ABHD14A: variants seen among roughly 807,000 people sequenced by gnomAD.
ABHD14A encodes abhydrolase domain containing 14A.
A neutral mutation model predicts 27.0 loss-of-function variants in ABHD14A; 19 were observed. The observed-to-expected ratio is 0.70, with a 90% CI of 0.49 to 1.03. The LOEUF is 1.03. Ranked by LOEUF, ABHD14A falls within the 50% of genes least tolerant of loss-of-function variation. ABHD14A has a pLI of 0.00. For synonymous variants in ABHD14A, 148 were observed against 158.8 expected, an observed-to-expected ratio of 0.93 and a Z score of 0.51; for missense variants, 311 against 344.6, an observed-to-expected ratio of 0.90 and a Z score of 0.77.
chr3:51,976,599 C>T (rs1160541476), intron 1 of ABHD14A, among the ~76,000 whole-genome samples: 2 of 152,166 alleles, frequency 1.3e-5, no homozygotes, highest in South Asian at 2.1e-4. Context: ...TGCTTGAACC[C>T]GGGAGGCGGA....
At chr3:51,976,310 TCC>T (rs1700787168) in intron 1 of ABHD14A, among the ~76,000 whole-genome samples, 1 of 152,072 alleles carries the variant, frequency 6.6e-6, no homozygotes, top group Non-Finnish European at 1.5e-5. Flanking sequence ...CCCCAAAACA[TCC>T]CGGAGGGATG....
In ABHD14A at chr3:51,977,851, C is replaced by T. The variant is rs991609363; in HGVS notation, c.70-20C>T. ...AGGGACTCAGTTCCAGCCTCTTTTC[C>T]CTCTCCTCTCCCTCTCCAGACTGTG... On this transcript the variant is annotated intron_variant, in intron 1 of 4. Transcript: ENST00000273596. 5 of 1,597,796 alleles carry T rather than the reference C, an allele frequency of 3.1e-6. No individual in the cohort carries two copies. The highest frequency in any genetic ancestry group is 2.2e-5 in the East Asian group (1 of 44,552).
At position 51,975,122 on chromosome 3, in the gene ABHD14A, C is replaced by A; in HGVS notation, c.-14C>A. On this transcript the variant is annotated 5_prime_UTR_variant, in exon 1 of 5. In the 5' UTR this introduces an upstream ATG that the reference lacks. Transcript: ENST00000273596. The stretch of plus-strand genomic sequence containing the variant: ...CCTAGAGCCGGAGCGGCCCGCGGAG[C>A]TGCGGAGGCAGCCATGGTCGGGGCG... The A allele has an allele frequency of 2.3e-6, 3 of 1,293,476 alleles. No individual in the cohort carries two copies. Among genetic ancestry groups the A allele is most frequent in the Non-Finnish European group, 2.9e-6 (3 of 1,020,692 alleles). 80.1% of individuals were successfully genotyped at this position (1,293,476 alleles called of 1,614,324 possible).
Position 51,977,897 on chromosome 3 carries a change from G to T in ABHD14A, c.96G>T (p.Arg32=). The change falls in exon 2 of 5, where the codon CGG becomes CGT. Residue 32 remains arginine (R), a synonymous_variant. Transcript: ENST00000273596. ...CTGTGGTACAGACCTCCATGAGCCG[G>T]TCCCAGGTAGCCCTGCTGGGCCTGA... The part of the protein sequence containing the change: ...GPTVVQTSMS[R]SQVALLGLSL... The T allele has an allele frequency of 1.2e-6, 2 of 1,613,956 alleles. No individual in the cohort carries two copies. The highest frequency in any genetic ancestry group is 1.7e-5 in the Admixed American group (1 of 60,024).
Position 51,980,305 on chromosome 3 carries a change from G to A in ABHD14A, c.398-88G>A, listed in dbSNP as rs766556306. Reference sequence around the variant, plus strand: ...TAGGTAGTGTGTGCCAGTGCCAGTGGTCCCCAACTTTTTCCCCCACTGTGG... The same window carrying A: ...TAGGTAGTGTGTGCCAGTGCCAGTGATCCCCAACTTTTTCCCCCACTGTGG... On this transcript the variant is annotated intron_variant, in intron 3 of 4. Transcript: ENST00000273596. The A allele has an allele frequency of 2.2e-5, 27 of 1,230,076 alleles. No homozygotes were observed. The East Asian group carries it at 6.1e-4, about 28-fold the overall frequency. The allele number at this position is 1,230,076 out of a possible 1,614,324, so 76.2% of individuals were successfully genotyped here.
At chr3:51,979,257 C>G (rs1442063591) in intron 3 of ABHD14A, among the ~76,000 whole-genome samples, 2 of 152,176 alleles carry the variant, frequency 1.3e-5, no homozygotes, top group Non-Finnish European at 2.9e-5. Flanking sequence ...ACAAACCTCC[C>G]TCTTTGTTGT....
At chr3:51,978,693 G>A in intron 3 of ABHD14A, 1 of 270,078 alleles carries the variant, frequency 3.7e-6, no homozygotes. Context: ...CCGGGTTCAA[G>A]CAATTCTCCT....
intron 3 of ABHD14A, 81 bp from the exon 4 acceptor site, chr3:51,980,312 A>G (rs1182922169): frequency 1.4e-5 from 19 of 1,375,506 alleles, no homozygotes; most frequent in Non-Finnish European, 2.0e-5. Flanking sequence ...GTGGTCCCCA[A>G]CTTTTTCCCC....
chr3:51,979,954 C>T (rs1438726002), intron 3 of ABHD14A, among the ~76,000 whole-genome samples: 1 of 151,778 alleles, frequency 6.6e-6, no homozygotes, highest in Admixed American at 6.6e-5. Flanking sequence ...GACAGAGTCT[C>T]GCAGTCGCCC....
chr3:51,980,819 C>G lies in ABHD14A; in HGVS notation c.634-17C>G. 4 of 1,602,660 alleles carry G rather than the reference C, an allele frequency of 2.5e-6. No homozygotes were observed. The highest frequency in any genetic ancestry group is 3.4e-6 in the Non-Finnish European group (4 of 1,170,780). Reference sequence around the variant, plus strand: ...TCATCAGGCCCCAAGATCACAGCCCCCTGCCTTGCCCTGCAGACTCCAACC... The same window carrying G: ...TCATCAGGCCCCAAGATCACAGCCCGCTGCCTTGCCCTGCAGACTCCAACC... On this transcript the variant is annotated splice_polypyrimidine_tract_variant and intron_variant, in intron 4 of 4. Transcript: ENST00000273596.
intron 1 of ABHD14A, among the ~76,000 whole-genome samples, chr3:51,977,576 C>T (rs1390740830): frequency 6.6e-6 from 1 of 152,202 alleles, no homozygotes; most frequent in Non-Finnish European, 1.5e-5. Context: ...CTGTCATAAG[C>T]GCTTGATGAA....
intron 2 of ABHD14A, 60 bp from the exon 3 acceptor site, chr3:51,978,199 A>C: frequency 6.5e-7 from 1 of 1,531,716 alleles, no homozygotes; most frequent in Non-Finnish European, 8.8e-7. Flanking sequence ...GAAGCCTAGG[A>C]ATAAAGAAAG....
At chr3:51,976,590 G>T (rs914699802) in intron 1 of ABHD14A, among the ~76,000 whole-genome samples, 3 of 152,220 alleles carry the variant, frequency 2.0e-5, no homozygotes, top group Non-Finnish European at 4.4e-5. Flanking sequence ...CAGGAGAATT[G>T]CTTGAACCCG....
rs1700825957 is a variant in ABHD14A at position 51,978,056 on chromosome 3, G to A, written c.255G>A (p.Glu85=). ...GCAACTCGCCCATCTTTTACCGCGA[G>A]GTGCTCCCACTCAACCAGGCACACA... ...TPGNSPIFYR[E]VLPLNQAHRV... is the part of the protein sequence containing the mutation. The change falls in exon 2 of 5, where the codon GAG becomes GAA. Residue 85 remains glutamate, a synonymous_variant. Coordinates refer to ENST00000273596, the MANE Select transcript of ABHD14A (RefSeq NM_015407.5). The A allele has an allele frequency of 1.9e-6, 3 of 1,613,846 alleles. No individual in the cohort carries two copies. The highest frequency in any genetic ancestry group is 1.7e-6 in the Non-Finnish European group (2 of 1,179,994).
rs370323950 is a variant in ABHD14A at position 51,980,902 on chromosome 3, C to T, written c.700C>T (p.Arg234Cys). 53 of 1,614,050 alleles carry T rather than the reference C, an allele frequency of 3.3e-5. No homozygotes were observed. Among genetic ancestry groups the T allele is most frequent in the African/African-American group, 4.0e-5 (3 of 74,936 alleles). Residue 234 changes from arginine to cysteine, a missense_variant, in exon 5 of 5, where the codon CGC becomes TGC. By Grantham distance (180) the Arg-to-Cys change is radical. Transcript: ENST00000273596. Reference protein sequence around the residue: ...ILARESLRQLRHLPNHSVVKL... With the variant: ...ILARESLRQLCHLPNHSVVKL... The stretch of plus-strand genomic sequence containing the variant: ...GGCTCGAGAGTCACTGCGGCAGCTC[C>T]GCCACCTGCCCAACCACTCTGTGGT...
intron 3 of ABHD14A, among the ~76,000 whole-genome samples, chr3:51,979,461 T>G (rs552237054): frequency 2.6e-4 from 39 of 151,904 alleles, no homozygotes; most frequent in African/African-American, 5.6e-4. Flanking sequence ...TTTGTTTTTT[T>G]TTTGTTTGTT....
At chr3:51,977,813 C>A in intron 1 of ABHD14A, 58 bp from the exon 2 acceptor site, 1 of 1,503,640 alleles carries the variant, frequency 6.7e-7, no homozygotes, top group Non-Finnish European at 9.2e-7. Context: ...GGGATGGGAT[C>A]CAGGGTCCTT....
rs747192837 is a variant in ABHD14A, at chr3:51,978,297, C to A, written c.320C>A (p.Ser107Tyr). ...CTGCTTCATGGAAAGGCCTTTAACT[C>A]TCACACGTGGGAGCAGCTGGGCACA... ...VVLLHGKAFN[S>Y]HTWEQLGTLQ... Residue 107 changes from serine (S) to tyrosine (Y), a missense_variant, in exon 3 of 5, where the codon TCT becomes TAT. Ser to Tyr is a moderately radical substitution (Grantham distance 144). Coordinates refer to ENST00000273596, the MANE Select transcript of ABHD14A (RefSeq NM_015407.5). The A allele has an allele frequency of 6.4e-7, 1 of 1,551,838 alleles. No homozygotes were observed.
rs771524484 is a variant in ABHD14A, at chr3:51,978,008, A to G, written c.207A>G (p.Thr69=). The change falls in exon 2 of 5, where the codon ACA becomes ACG. Residue 69 remains threonine (T), a synonymous_variant. Transcript: ENST00000273596. ...GCCTCTGGGGAGACCCCAATGTCAC[A>G]GTCCTGGCTGGTCTCACCCCTGGCA... The part of the protein sequence containing the change: ...TSCLWGDPNV[T]VLAGLTPGNS... The G allele has an allele frequency of 3.2e-5, 51 of 1,613,942 alleles. No individual in the cohort carries two copies. Among genetic ancestry groups the G allele is most frequent in the Non-Finnish European group, 3.8e-5 (45 of 1,180,038 alleles).
Sources: gnomAD v4.1 joint callset for allele counts (sites outside exome capture counted in the v4.1 genomes callset) on GRCh38, gnomAD v4.1.1 for gene constraint, MANE v1.5 for transcripts, NCBI Gene and HGNC (gene_info 2026-07-23, HGNC 2026-07-21) for gene names.